The following DCAF8L2 variants were observed in gnomAD, a reference collection of about 807,000 sequenced individuals.
DCAF8L2 encodes the protein DDB1 and CUL4 associated factor 8 like 2.
For missense variants in DCAF8L2, 430 were observed against 490.7 expected (o/e 0.88, Z 1.17); for synonymous variants, 200 against 190.9 (o/e 1.05, Z -0.39).
chrX:27,602,898 C>T (rs756143424), intron 1 of DCAF8L2, among the ~76,000 whole-genome samples: 5 of 112,032 alleles, frequency 4.5e-5, no homozygotes, highest in African/African-American at 1.6e-4. Flanking sequence ...TTGAAAAATG[C>T]TTTTCTACCA....
At chrX:27,637,649 A>C in intron 2 of DCAF8L2, among the ~76,000 whole-genome samples, 1 of 112,300 alleles carries the variant, frequency 8.9e-6, no homozygotes, top group Non-Finnish European at 1.9e-5. Flanking sequence ...TTCATTCAGA[A>C]ATTATTTAAT....
At chrX:27,608,065 GAT>G (rs1337389885) in intron 1 of DCAF8L2, among the ~76,000 whole-genome samples, 18 of 111,443 alleles carry the variant, frequency 1.6e-4, no homozygotes, top group African/African-American at 5.5e-4. Flanking sequence ...GTGTTTATAT[GAT>G]ATATGTTAGA....
intron 1 of DCAF8L2, among the ~76,000 whole-genome samples, chrX:27,604,665 C>T (rs778550421): frequency 8.9e-6 from 1 of 111,862 alleles, no homozygotes; most frequent in Non-Finnish European, 1.9e-5. Context: ...ACTGGTGTGA[C>T]AAAGTGTAGA....
At chrX:27,688,656 T>G (rs1955070125) in intron 3 of DCAF8L2, among the ~76,000 whole-genome samples, 1 of 111,757 alleles carries the variant, frequency 8.9e-6, no homozygotes, top group Non-Finnish European at 1.9e-5. Flanking sequence ...AAAAAAAGGA[T>G]ATTCTATAAC....
intron 3 of DCAF8L2, among the ~76,000 whole-genome samples, chrX:27,692,988 C>G (rs959310020): frequency 9.0e-6 from 1 of 111,261 alleles, no homozygotes; most frequent in African/African-American, 3.3e-5. Flanking sequence ...AAAGAGACTT[C>G]GATATTTTGT....
intron 3 of DCAF8L2, among the ~76,000 whole-genome samples, chrX:27,710,460 CTGTT>C (rs1931488465): frequency 1.8e-5 from 2 of 111,447 alleles, no homozygotes; most frequent in East Asian, 2.8e-4. Flanking sequence ...ATTCTCTAAT[CTGTT>C]TGTCAGTGTT....
chrX:27,474,916 C>CA, the DCAF8L2 span, among the ~76,000 whole-genome samples: 4 of 109,696 alleles, frequency 3.6e-5, no homozygotes, highest in African/African-American at 1.3e-4. Flanking sequence ...AGGAGAACCT[C>CA]AAAAAAAGGG....
chrX:27,596,822 C>T (rs1307806884), intron 1 of DCAF8L2, among the ~76,000 whole-genome samples: 1 of 111,147 alleles, frequency 9.0e-6, no homozygotes, highest in Non-Finnish European at 1.9e-5. Context: ...GGATATGTCT[C>T]TTATTTTTAA....
In DCAF8L2 at chrX:27,746,876, T is replaced by C; in HGVS notation, c.-20T>C. The C allele has an allele frequency of 8.5e-7, 1 of 1,178,852 alleles. No homozygotes were observed. Among genetic ancestry groups the C allele is most frequent in the Non-Finnish European group, 1.1e-6 (1 of 880,175 alleles). On this transcript the variant is annotated 5_prime_UTR_variant, in exon 5 of 5. Coordinates refer to ENST00000451261, the MANE Select transcript of DCAF8L2 (RefSeq NM_001353450.2). The stretch of plus-strand genomic sequence containing the variant: ...CTGGCCTTTGCAGTTCCAGATCTAC[T>C]ACAGCAAACATCGTTCAAGATGTCC...
chrX:27,659,745 C>T (rs1472683878), intron 2 of DCAF8L2, among the ~76,000 whole-genome samples: 2 of 110,880 alleles, frequency 1.8e-5, no homozygotes, highest in Non-Finnish European at 3.8e-5. Context: ...ATTTCATTCA[C>T]TGAATTCTTC....
the DCAF8L2 span, among the ~76,000 whole-genome samples, chrX:27,575,000 C>T: frequency 5.6e-3 from 629 of 111,743 alleles, 1 homozygote; most frequent in Non-Finnish European, 6.9e-3. Context: ...CTTGCTATGC[C>T]GGATGAATCG....
the DCAF8L2 span, among the ~76,000 whole-genome samples, chrX:27,514,239 G>T: frequency 1.3e-5 from 1 of 75,265 alleles, no homozygotes; most frequent in Non-Finnish European, 3.1e-5. Context: ...GTGTGCATAT[G>T]TACACATATG....
At chrX:27,532,069 A>G in the DCAF8L2 span, among the ~76,000 whole-genome samples, 1 of 110,559 alleles carries the variant, frequency 9.0e-6, no homozygotes, top group Non-Finnish European at 1.9e-5. Flanking sequence ...ATCGATATAT[A>G]TATATATATA....
chrX:27,545,123 C>T, the DCAF8L2 span, among the ~76,000 whole-genome samples: 51 of 111,601 alleles, frequency 4.6e-4, no homozygotes, highest in Admixed American at 1.2e-3. Flanking sequence ...TTAGCTTCGG[C>T]TTGATTCCAT....
At chrX:27,593,958 C>T (rs762610777) in intron 1 of DCAF8L2, among the ~76,000 whole-genome samples, 4 of 112,034 alleles carry the variant, frequency 3.6e-5, no homozygotes, top group Non-Finnish European at 5.6e-5. Flanking sequence ...TTGTTGGGTG[C>T]TTAGCTAGAC....
the DCAF8L2 span, among the ~76,000 whole-genome samples, chrX:27,554,151 A>T: frequency 9.0e-6 from 1 of 111,568 alleles, no homozygotes; most frequent in African/African-American, 3.3e-5. Flanking sequence ...TAAAATATTT[A>T]CTCTCCGGCG....
chrX:27,598,448 T>TTC (rs1926464953), intron 1 of DCAF8L2, among the ~76,000 whole-genome samples: 1 of 112,647 alleles, frequency 8.9e-6, no homozygotes, highest in African/African-American at 3.2e-5. Context: ...TGTTCCATTG[T>TTC]TCTACATTCC....
At chrX:27,709,044 CG>C (rs1931435766) in intron 3 of DCAF8L2, among the ~76,000 whole-genome samples, 1 of 112,123 alleles carries the variant, frequency 8.9e-6, no homozygotes, top group African/African-American at 3.2e-5. Context: ...CTCAGCCTCC[CG>C]AATAGCTGGG....
chrX:27,726,802 T>C (rs1480893401), intron 4 of DCAF8L2, among the ~76,000 whole-genome samples: 3 of 112,262 alleles, frequency 2.7e-5, no homozygotes, highest in Admixed American at 1.9e-4. Flanking sequence ...AACTCACTTA[T>C]CCATTTCATT....
Sources: allele counts gnomAD v4.1 joint callset (sites outside exome capture counted in the v4.1 genomes callset), GRCh38; gene constraint gnomAD v4.1.1; transcripts MANE v1.5; gene names NCBI Gene and HGNC (gene_info 2026-07-23, HGNC 2026-07-21).